The following STK39 variants were observed in gnomAD, a reference collection of about 807,000 sequenced individuals.
The protein encoded by STK39 is STE20/SPS1-related proline-alanine-rich protein kinase.
In STK39, 20 loss-of-function variants were observed where a neutral mutation model predicts 77.8. The ratio of observed to expected loss-of-function variants is 0.26; its 90% confidence interval spans 0.18 to 0.37. The LOEUF (loss-of-function observed/expected upper bound fraction) is 0.37, where lower values mean the gene tolerates loss of function less well. Among genes scored for constraint, STK39 ranks in the 10% least tolerant of loss-of-function variants. STK39 has a pLI of 1.00. For missense variants in STK39, 479 were observed against 656.5 expected, an observed-to-expected ratio of 0.73 and a Z score of 2.95; for synonymous variants, 246 against 234.1, an observed-to-expected ratio of 1.05 and a Z score of -0.47.
intron 8 of STK39, among the ~76,000 whole-genome samples, chr2:168,134,005 T>C (rs1687768732): frequency 6.6e-6 from 1 of 152,230 alleles, no homozygotes; most frequent in Non-Finnish European, 1.5e-5. Flanking sequence ...TGCCAATGCC[T>C]GGCTAATGTG....
chr2:168,154,712 C>T (rs1688380138), intron 5 of STK39, among the ~76,000 whole-genome samples: 1 of 115,970 alleles, frequency 8.6e-6, no homozygotes, highest in South Asian at 2.8e-4. Context: ...ACCTAAACTC[C>T]ATGACAGTAG....
Position 167,997,951 on chromosome 2 carries a change from G to A in STK39, c.1498+14683C>T, listed in dbSNP as rs531576260. ...ACCAATCTGAAACCAGCAATTTAACGAATTGTGGGGGATGTTATTTAATGG... is the reference window on the plus strand; with the variant it reads ...ACCAATCTGAAACCAGCAATTTAACAAATTGTGGGGGATGTTATTTAATGG... On this transcript the variant is annotated intron_variant, in intron 16 of 17. Transcript: ENST00000355999. Among the ~76,000 whole-genome samples the A allele has an allele frequency of 2.1e-4, 32 of 152,268 alleles. 1 individual carries two copies. In the South Asian group the frequency reaches 5.6e-3, roughly 27 times the overall value.
At chr2:167,960,594 C>T (rs1186136629) in intron 17 of STK39, among the ~76,000 whole-genome samples, 8 of 152,116 alleles carry the variant, frequency 5.3e-5, no homozygotes, top group Non-Finnish European at 1.2e-4. Context: ...CACGCTCTTA[C>T]TCAGGGTGTA....
intron 16 of STK39, among the ~76,000 whole-genome samples, chr2:168,005,043 T>C (rs892394812): frequency 2.6e-4 from 35 of 133,238 alleles, no homozygotes; most frequent in Non-Finnish European, 3.9e-4. Context: ...TCTCGCTCTG[T>C]CGCCCAGGCT....
At chr2:168,004,494 AG>A (rs1684074009) in intron 16 of STK39, among the ~76,000 whole-genome samples, 1 of 152,126 alleles carries the variant, frequency 6.6e-6, no homozygotes, top group African/African-American at 2.4e-5. Context: ...GCACTTTGGG[AG>A]GCCGAGGCAG....
At chr2:168,048,455 G>A (rs185744141) in intron 14 of STK39, among the ~76,000 whole-genome samples, 1,604 of 152,074 alleles carry the variant, frequency 0.011, 36 homozygotes, top group African/African-American at 0.037. Flanking sequence ...CTCGTGATCC[G>A]CCGGCCTTGG....
intron 16 of STK39, among the ~76,000 whole-genome samples, chr2:168,005,755 C>T (rs1684116963): frequency 6.6e-6 from 1 of 152,150 alleles, no homozygotes; most frequent in Non-Finnish European, 1.5e-5. Flanking sequence ...AAAAGCTGTC[C>T]TCCAAACTGT....
intron 16 of STK39, among the ~76,000 whole-genome samples, chr2:168,006,774 C>T (rs6725755): frequency 0.11 from 16,526 of 152,180 alleles, 3,003 homozygotes; most frequent in African/African-American, 0.37. Context: ...AAGGTAGTGC[C>T]GAGTTTAAGC....
chr2:167,966,888 C>T (rs1464161633), intron 16 of STK39, among the ~76,000 whole-genome samples: 1 of 152,180 alleles, frequency 6.6e-6, no homozygotes, highest in Non-Finnish European at 1.5e-5. Context: ...CTATAAAACA[C>T]CTTCATTTAA....
intron 8 of STK39, among the ~76,000 whole-genome samples, chr2:168,131,432 T>G (rs1222255664): frequency 6.6e-6 from 1 of 152,092 alleles, no homozygotes; most frequent in African/African-American, 2.4e-5. Flanking sequence ...CTTGACAAAA[T>G]TGGAAACTGC....
At chr2:167,955,632 T>C (rs951062811) in intron 17 of STK39, 62 bp from the exon 18 acceptor site, 1 of 1,538,156 alleles carries the variant, frequency 6.5e-7, no homozygotes, top group African/African-American at 1.4e-5. Flanking sequence ...GTTAAAGTCT[T>C]GTTCCTATGA....
chr2:168,108,938 T>G (rs1687050764), intron 10 of STK39, among the ~76,000 whole-genome samples: 1 of 152,190 alleles, frequency 6.6e-6, no homozygotes, highest in African/African-American at 2.4e-5. Context: ...AACTTAATCC[T>G]TGTGGAGTGT....
intron 10 of STK39, among the ~76,000 whole-genome samples, chr2:168,079,481 G>C (rs991252098): frequency 2.6e-5 from 4 of 152,206 alleles, no homozygotes; most frequent in African/African-American, 9.7e-5. Context: ...TGCCAGCCAA[G>C]AAGAGCACCA....
At chr2:168,241,814 G>T (rs1690766073) in intron 1 of STK39, among the ~76,000 whole-genome samples, 1 of 152,228 alleles carries the variant, frequency 6.6e-6, no homozygotes, top group Non-Finnish European at 1.5e-5. Context: ...GATTCTCAGT[G>T]CTTTACATTC....
intron 16 of STK39, among the ~76,000 whole-genome samples, chr2:167,999,419 T>C (rs1045457572): frequency 1.2e-4 from 19 of 152,182 alleles, no homozygotes; most frequent in South Asian, 8.3e-4. Context: ...GTTAATCAGG[T>C]GTACTCAGCA....
intron 17 of STK39, among the ~76,000 whole-genome samples, chr2:167,956,464 T>C (rs1208451644): frequency 6.6e-6 from 1 of 150,608 alleles, no homozygotes; most frequent in Non-Finnish European, 1.5e-5. Flanking sequence ...GGCTGAGGGC[T>C]GAGGCAGGGG....
chr2:168,058,721 T>A (rs1036340233), intron 14 of STK39, among the ~76,000 whole-genome samples: 3 of 152,214 alleles, frequency 2.0e-5, no homozygotes, highest in Non-Finnish European at 4.4e-5. Context: ...CAATCTGGAA[T>A]CCAATAATTG....
At chr2:168,011,036 G>A (rs761023137) in intron 16 of STK39, among the ~76,000 whole-genome samples, 4 of 152,254 alleles carry the variant, frequency 2.6e-5, no homozygotes, top group African/African-American at 9.6e-5. Context: ...GGTGGCTCAC[G>A]CCTGTAATCC....
At chr2:168,064,218 T>A (rs1326665841) in intron 13 of STK39, among the ~76,000 whole-genome samples, 1 of 152,166 alleles carries the variant, frequency 6.6e-6, no homozygotes, top group Non-Finnish European at 1.5e-5. Context: ...GCAGGGAGAA[T>A]AAAATGATAT....
Sources: allele counts gnomAD v4.1 joint callset (sites outside exome capture counted in the v4.1 genomes callset), GRCh38; gene constraint gnomAD v4.1.1; transcripts MANE v1.5; gene names NCBI Gene and HGNC (gene_info 2026-07-23, HGNC 2026-07-21).